TYR: variants seen among roughly 807,000 people sequenced by gnomAD.
TYR encodes tyrosinase, also known as LB24-AB.
Under a neutral mutation model 51.5 loss-of-function variants are expected in TYR, and 58 were observed. The ratio of observed to expected loss-of-function variants is 1.13; its 90% CI spans 0.91 to 1.40. The LOEUF is 1.40. Ranked by LOEUF, TYR falls within the 40% of genes most tolerant of loss-of-function variation. TYR has a pLI of 0.00. For missense variants in TYR, 732 were observed against 647.4 expected (o/e 1.13, Z -1.42); for synonymous variants, 263 against 235.2 (o/e 1.12, Z -1.08).
chr11:89,217,063 G>C (rs993342352), intron 2 of TYR, among the ~76,000 whole-genome samples: 1 of 152,066 alleles, frequency 6.6e-6, no homozygotes, highest in Non-Finnish European at 1.5e-5. Context: ...CCCATGTTTT[G>C]TAAAGTATTT....
chr11:89,240,508 A>G (rs1590872791), intron 3 of TYR, among the ~76,000 whole-genome samples: 1 of 152,108 alleles, frequency 6.6e-6, no homozygotes, highest in Non-Finnish European at 1.5e-5. Flanking sequence ...TTTTTGTCAT[A>G]AACATTATAA....
chr11:89,191,452 C>A, intron 2 of TYR, 34 bp downstream of exon 2: 1 of 1,592,522 alleles, frequency 6.3e-7, no homozygotes, highest in Non-Finnish European at 8.6e-7. Flanking sequence ...AATTTTTTTT[C>A]TGAATTCATA....
At chr11:89,208,214 G>A (rs1461870244) in intron 2 of TYR, among the ~76,000 whole-genome samples, 3 of 152,352 alleles carry the variant, frequency 2.0e-5, no homozygotes, top group East Asian at 3.9e-4. Context: ...AGCCTGCAGT[G>A]AGTGGAGATC....
At chr11:89,278,741 A>G (rs1293115193) in intron 3 of TYR, among the ~76,000 whole-genome samples, 3 of 151,724 alleles carry the variant, frequency 2.0e-5, no homozygotes, top group Non-Finnish European at 3.0e-5. Flanking sequence ...CCATGTTGAT[A>G]TAATTATTAT....
chr11:89,224,710 T>C (rs912755821), intron 2 of TYR, among the ~76,000 whole-genome samples: 1 of 152,188 alleles, frequency 6.6e-6, no homozygotes, highest in African/African-American at 2.4e-5. Flanking sequence ...TCATTCTCAA[T>C]ACAGTCTGCT....
chr11:89,264,748 C>A (rs71469243), intron 3 of TYR, among the ~76,000 whole-genome samples: 14,871 of 143,192 alleles, frequency 0.1, 1,422 homozygotes, highest in African/African-American at 0.26. Flanking sequence ...AAAAAAAAAA[C>A]AAACAAACAA....
chr11:89,270,946 A>G (rs1944580818), intron 3 of TYR, among the ~76,000 whole-genome samples: 2 of 151,858 alleles, frequency 1.3e-5, no homozygotes, highest in African/African-American at 4.8e-5. Context: ...AAAATTACAC[A>G]TGATCAAATA....
At chr11:89,279,201 C>T (rs557468452) in intron 3 of TYR, among the ~76,000 whole-genome samples, 1 of 151,752 alleles carries the variant, frequency 6.6e-6, no homozygotes, top group African/African-American at 2.4e-5. Flanking sequence ...AACTAGACTC[C>T]CTCTTCCCCA....
At chr11:89,272,222 T>G (rs988093011) in intron 3 of TYR, among the ~76,000 whole-genome samples, 1 of 151,930 alleles carries the variant, frequency 6.6e-6, no homozygotes, top group Non-Finnish European at 1.5e-5. Context: ...TATACCCTTA[T>G]AGCATGTATT....
intron 1 of TYR, among the ~76,000 whole-genome samples, chr11:89,186,889 T>C (rs1232140147): frequency 6.6e-6 from 1 of 152,154 alleles, no homozygotes; most frequent in Non-Finnish European, 1.5e-5. Flanking sequence ...GCCATCTCTT[T>C]CTTTGTGTAT....
chr11:89,212,149 C>A (rs1355182203), intron 2 of TYR, among the ~76,000 whole-genome samples: 1 of 152,112 alleles, frequency 6.6e-6, no homozygotes, highest in East Asian at 1.9e-4. Flanking sequence ...ATCAATGAAT[C>A]CACGAGCTGT....
intron 3 of TYR, among the ~76,000 whole-genome samples, 179 bp from the exon 4 acceptor site, chr11:89,284,594 T>C (rs1469577741): frequency 6.6e-6 from 1 of 151,930 alleles, no homozygotes; most frequent in Non-Finnish European, 1.5e-5. Flanking sequence ...ATGAGTGAAC[T>C]TCAAGGCCTG....
At chr11:89,273,555 G>A (rs1248880883) in intron 3 of TYR, among the ~76,000 whole-genome samples, 1 of 151,862 alleles carries the variant, frequency 6.6e-6, no homozygotes, top group Non-Finnish European at 1.5e-5. Flanking sequence ...GAAATATTGT[G>A]AGAATTATCA....
intron 2 of TYR, among the ~76,000 whole-genome samples, chr11:89,214,077 T>C (rs573112215): frequency 5.9e-5 from 9 of 152,266 alleles, no homozygotes; most frequent in South Asian, 4.1e-4. Context: ...AAAGCCAAAA[T>C]TGACAAATGA....
intron 4 of TYR, among the ~76,000 whole-genome samples, chr11:89,290,780 G>T (rs186417486): frequency 9.4e-4 from 143 of 152,080 alleles, no homozygotes; most frequent in African/African-American, 3.3e-3. Flanking sequence ...ATGACTTGCT[G>T]CAAGGTAAGC....
intron 2 of TYR, among the ~76,000 whole-genome samples, chr11:89,206,341 G>A (rs1271971092): frequency 6.6e-6 from 1 of 152,014 alleles, no homozygotes; most frequent in African/African-American, 2.4e-5. Flanking sequence ...AGTTAAAGTG[G>A]CTATATTAAT....
At chr11:89,209,148 G>C (rs992668678) in intron 2 of TYR, among the ~76,000 whole-genome samples, 8 of 152,214 alleles carry the variant, frequency 5.3e-5, no homozygotes, top group African/African-American at 1.9e-4. Flanking sequence ...CACCTCATCT[G>C]GGAAGCACAA....
rs139091458 is a variant in TYR at position 89,227,887 on chromosome 11, C to A, written c.1101C>A (p.His367Gln). Residue 367 changes from histidine (H) to glutamine (Q), a missense_variant, in exon 3 of 5, where the codon CAC becomes CAA. His to Gln is a conservative substitution (Grantham distance 24, BLOSUM62 0). Transcript: ENST00000263321. ...AAAGCAGCATGCACAATGCCTTGCA[C>A]ATCTATATGAATGGAACAATGTCCC... ...ASQSSMHNAL[H>Q]IYMNGTMSQV... The A allele has an allele frequency of 3.1e-6, 5 of 1,613,390 alleles. No homozygotes were observed. The highest frequency in any genetic ancestry group is 4.2e-6 in the Non-Finnish European group (5 of 1,179,696).
At position 89,258,155 on chromosome 11, in the gene TYR, G is replaced by A. The variant is rs539473663; in HGVS notation, c.1185-26618G>A. On this transcript the variant is annotated intron_variant, in intron 3 of 4. Transcript: ENST00000263321. ...GTGATTGATTGCTATGGTGAAAGGC[G>A]GAAAATTTTCTTCTCAAATGGATTC... 6.6e-5 allele frequency among the ~76,000 whole-genome samples: 10 copies of A among 151,924 alleles called. No homozygotes were observed. The East Asian group carries it at 1.2e-3, about 18-fold the overall frequency.
Sources: allele counts gnomAD v4.1 joint callset (sites outside exome capture counted in the v4.1 genomes callset), GRCh38; gene constraint gnomAD v4.1.1; transcripts MANE v1.5; gene names NCBI Gene and HGNC (gene_info 2026-07-23, HGNC 2026-07-21).